The following UGCG variants were observed in gnomAD, a reference collection of about 807,000 sequenced individuals.
UGCG encodes ceramide glucosyltransferase.
Under a neutral mutation model 49.5 loss-of-function variants are expected in UGCG, and 10 were observed. The observed-to-expected ratio is 0.20, with a 90% CI of 0.12 to 0.34. The LOEUF (loss-of-function observed/expected upper bound fraction) is 0.34, where lower values mean the gene tolerates loss of function less well. Among genes scored for constraint, UGCG ranks in the 10% least tolerant of loss-of-function variants. UGCG has a pLI of 1.00. For missense variants in UGCG, 312 were observed against 483.7 expected (o/e 0.65, Z 3.33); for synonymous variants, 182 against 158.2 (o/e 1.15, Z -1.13).
chr9:111,924,688 A>AGGG (rs2118580100), intron 3 of UGCG, 89 bp from the exon 4 acceptor site: 1 of 502,466 alleles, frequency 2.0e-6, no homozygotes, highest in Admixed American at 4.0e-5. Context: ...TAAATATGCA[A>AGGG]GTATTCTCAT....
At chr9:111,904,096 C>T (rs1171281694) in intron 1 of UGCG, among the ~76,000 whole-genome samples, 1 of 152,252 alleles carries the variant, frequency 6.6e-6, no homozygotes, top group African/African-American at 2.4e-5. Flanking sequence ...GCTGTCTGCC[C>T]ACAGTTGTGT....
At chr9:111,919,171 C>T (rs984768693) in intron 2 of UGCG, among the ~76,000 whole-genome samples, 2 of 152,066 alleles carry the variant, frequency 1.3e-5, no homozygotes, top group Admixed American at 1.3e-4. Context: ...CATTTCCTTT[C>T]ATCATATGTA....
intron 1 of UGCG, among the ~76,000 whole-genome samples, chr9:111,904,191 C>G (rs1328632598): frequency 6.6e-6 from 1 of 152,228 alleles, no homozygotes; most frequent in Non-Finnish European, 1.5e-5. Flanking sequence ...TTGCCTCTTG[C>G]CTCACCTCGT....
chr9:111,932,868 C>T lies in UGCG; in HGVS notation c.1056C>T (p.Ala352=), dbSNP rs1838452753. The change falls in exon 9 of 9, where the codon GCC becomes GCT. Residue 352 remains alanine, a synonymous_variant. Transcript: ENST00000374279. The part of the protein sequence containing the change: ...LCFSKLDYAV[A]WFIRESMTIY... ...TTTCAAAACTTGATTATGCAGTCGC[C>T]TGGTTCATCCGCGAATCCATGACAA... 1.2e-6 allele frequency: 2 copies of T among 1,609,978 alleles called. No individual in the cohort carries two copies.
chr9:111,929,663 A>G lies in UGCG; in HGVS notation c.722A>G (p.Lys241Arg). The G allele has an allele frequency of 6.2e-7, 1 of 1,613,428 alleles. No individual in the cohort carries two copies. ...ATTGCCGAAGATTACTTTATGGCCA[A>G]AGCGATAGCTGACCGGTAAGACAAC... Reference protein sequence around the residue: ...QYIAEDYFMAKAIADRGWRFA... With the variant: ...QYIAEDYFMARAIADRGWRFA... The change falls in exon 6 of 9, where the codon AAA (lysine) becomes AGA (arginine). Residue 241 changes from lysine to arginine, a missense_variant. Transcript: ENST00000374279.
In UGCG at chr9:111,896,983, A is replaced by ACCGGCAGCCG. The variant is rs1554731791; in HGVS notation, c.-231_-230insGGCAGCCGCC. 1 of 225,924 alleles carries ACCGGCAGCCG rather than the reference A, an allele frequency of 4.4e-6. No homozygotes were observed. The highest frequency in any genetic ancestry group is 8.4e-6 in the Non-Finnish European group (1 of 118,754). The allele number at this position is 225,924 out of a possible 1,614,324, so 14.0% of individuals were successfully genotyped here. On this transcript the variant is annotated 5_prime_UTR_variant, in exon 1 of 9. Transcript: ENST00000374279. ...CCGACCAGAGCCGGGAGACCGCAGC[A>ACCGGCAGCCG]CCCGCAGCCGCCCGCGAGCGCGCCG... is the stretch of plus-strand genomic sequence containing the variant.
chr9:111,922,682 G>A, intron 2 of UGCG, 167 bp from the exon 3 acceptor site: 1 of 421,426 alleles, frequency 2.4e-6, no homozygotes, highest in Non-Finnish European at 4.2e-6. Flanking sequence ...CTCCATTAAA[G>A]CAACACTTGT....
At chr9:111,930,296 T>C (rs1838401970) in intron 6 of UGCG, among the ~76,000 whole-genome samples, 1 of 152,220 alleles carries the variant, frequency 6.6e-6, no homozygotes, top group African/African-American at 2.4e-5. Flanking sequence ...TTCTGTGTTT[T>C]AGAAGAATTA....
intron 1 of UGCG, among the ~76,000 whole-genome samples, chr9:111,910,493 C>G (rs536023222): frequency 3.4e-4 from 52 of 152,264 alleles, no homozygotes; most frequent in Non-Finnish European, 5.4e-4. Context: ...TTCTTCTAAT[C>G]TAGATGCCAA....
chr9:111,918,098 A>G (rs1188440214), intron 2 of UGCG, among the ~76,000 whole-genome samples: 4 of 151,940 alleles, frequency 2.6e-5, no homozygotes, highest in Non-Finnish European at 5.9e-5. Context: ...CTGGAGTACA[A>G]TGCCACAATC....
At chr9:111,928,370 T>C (rs532185753) in intron 5 of UGCG, among the ~76,000 whole-genome samples, 2 of 152,314 alleles carry the variant, frequency 1.3e-5, no homozygotes, top group South Asian at 2.1e-4. Flanking sequence ...AATATCCAAA[T>C]TGATACAGAT....
intron 5 of UGCG, chr9:111,929,122 T>C (rs967444115): frequency 6.3e-6 from 1 of 159,930 alleles, no homozygotes; most frequent in Non-Finnish European, 1.3e-5. Flanking sequence ...TATGCATGCA[T>C]GTATATATAC....
chr9:111,933,832 C>G lies in UGCG; in HGVS notation c.*835C>G, dbSNP rs1414954090. The G allele has an allele frequency of 6.6e-6, 1 of 152,130 alleles. No homozygotes were observed. The allele number at this position is 152,130 out of a possible 1,614,324, so 9.4% of individuals were successfully genotyped here. On this transcript the variant is annotated 3_prime_UTR_variant, in exon 9 of 9. Coordinates refer to ENST00000374279, the MANE Select transcript of UGCG (RefSeq NM_003358.3). ...TCCTTGCTCCTCCCCCAGCCCACCC[C>G]GTCTTCCCTTAACATTTTTTCAGGG...
Position 111,933,029 on chromosome 9 carries a change from AAG to A in UGCG, c.*36_*37del. The stretch of plus-strand genomic sequence containing the variant: ...CTTTGTGACTGTATATAAAGGAAAA[AAG>A]AGAAGTATTATAAATTATGTTTATA... On this transcript the variant is annotated 3_prime_UTR_variant, in exon 9 of 9. Transcript: ENST00000374279. 1.4e-6 allele frequency: 2 copies of A among 1,435,722 alleles called. No homozygotes were observed. The highest frequency in any genetic ancestry group is 1.5e-5 in the African/African-American group (1 of 68,608). 88.9% of individuals were successfully genotyped at this position (1,435,722 alleles called of 1,614,324 possible). A position where few individuals can be genotyped will look rare whatever the true frequency, so the allele number is the denominator to read the frequency against.
chr9:111,930,730 A>G (rs1838411468), intron 6 of UGCG, among the ~76,000 whole-genome samples: 2 of 152,230 alleles, frequency 1.3e-5, no homozygotes, highest in African/African-American at 4.8e-5. Context: ...AGCCTCCCAA[A>G]GTGCTGGGAT....
intron 7 of UGCG, 82 bp downstream of exon 7, chr9:111,931,439 TAAATG>T: frequency 7.9e-7 from 1 of 1,264,970 alleles, no homozygotes; most frequent in South Asian, 1.3e-5. Context: ...TTAATGTAGT[TAAATG>T]AATGTACCTA....
intron 5 of UGCG, among the ~76,000 whole-genome samples, chr9:111,927,185 T>A (rs1037361126): frequency 6.6e-6 from 1 of 152,178 alleles, no homozygotes. Context: ...AAAGAACCTT[T>A]TTAAAATACC....
chr9:111,914,028 C>A lies in UGCG; in HGVS notation c.99-577C>A, dbSNP rs146588535. On this transcript the variant is annotated intron_variant, in intron 1 of 8. Transcript: ENST00000374279. ...ACACTTCTTTTAACTGTGTATTATC[C>A]CACTGCAAAGAAATTTCTCAGAAAG... is the stretch of plus-strand genomic sequence containing the variant. Among the ~76,000 whole-genome samples, 552 of 152,114 alleles carry A rather than the reference C, an allele frequency of 3.6e-3. 20 individuals are homozygous for A. The highest frequency in any genetic ancestry group is 0.033 in the Admixed American group (511 of 15,278).
intron 1 of UGCG, among the ~76,000 whole-genome samples, chr9:111,914,118 C>A (rs1242345177): frequency 1.3e-5 from 2 of 152,080 alleles, no homozygotes; most frequent in Admixed American, 1.3e-4. Flanking sequence ...TTTTATAGTT[C>A]TGTGGCCACT....
Sources: allele counts gnomAD v4.1 joint callset (sites outside exome capture counted in the v4.1 genomes callset), GRCh38; gene constraint gnomAD v4.1.1; transcripts MANE v1.5; gene names NCBI Gene and HGNC (gene_info 2026-07-23, HGNC 2026-07-21).